RALGPS2: variants seen among roughly 807,000 people sequenced by gnomAD.
RALGPS2 encodes the protein Ral GEF with PH domain and SH3 binding motif 2, also known as ras-specific guanine nucleotide-releasing factor RalGPS2.
A neutral mutation model predicts 86.8 loss-of-function variants in RALGPS2; 43 were observed. The ratio of observed to expected loss-of-function variants is 0.50; its 90% CI spans 0.39 to 0.64. The LOEUF (loss-of-function observed/expected upper bound fraction) is 0.64, where lower values mean the gene tolerates loss of function less well. Among genes scored for constraint, RALGPS2 ranks in the 30% least tolerant of loss-of-function variants. The probability of loss-of-function intolerance (pLI) is 0.00; values close to 1 mark genes in which losing one functional copy is unlikely to be tolerated. For missense variants in RALGPS2, 536 were observed against 694.6 expected (o/e 0.77, Z 2.57); for synonymous variants, 243 against 231.3 (o/e 1.05, Z -0.46).
intron 2 of RALGPS2, 64 bp from the exon 3 acceptor site, chr1:178,784,354 C>G: frequency 7.6e-7 from 1 of 1,309,980 alleles, no homozygotes. Context: ...TAAGGCCAAT[C>G]TAGTTTCTAT....
chr1:178,874,794 A>ATC (rs1658926978), intron 8 of RALGPS2, among the ~76,000 whole-genome samples: 1 of 152,048 alleles, frequency 6.6e-6, no homozygotes, highest in South Asian at 2.1e-4. Context: ...ATGTGTTGAT[A>ATC]ATTTTTTCTT....
At position 178,906,762 on chromosome 1, in the gene RALGPS2, T is replaced by C; in HGVS notation, c.1631-14T>C. ...ACATTTTTAATATTTCCCCCTTATT[T>C]TGGATAATTTTAGGAAATTCGTACA... On this transcript the variant is annotated splice_polypyrimidine_tract_variant and intron_variant, in intron 18 of 19. Coordinates refer to ENST00000367635, the MANE Select transcript of RALGPS2 (RefSeq NM_152663.5). 1.3e-6 allele frequency: 2 copies of C among 1,599,040 alleles called. No individual in the cohort carries two copies. The highest frequency in any genetic ancestry group is 1.7e-6 in the Non-Finnish European group (2 of 1,169,338).
At chr1:178,833,080 T>C (rs1027153602) in intron 7 of RALGPS2, among the ~76,000 whole-genome samples, 5 of 152,082 alleles carry the variant, frequency 3.3e-5, no homozygotes, top group African/African-American at 1.2e-4. Flanking sequence ...GGACAGTTCA[T>C]TAAAATACTT....
At chr1:178,757,731 G>T (rs1572292677) in intron 1 of RALGPS2, among the ~76,000 whole-genome samples, 1 of 152,072 alleles carries the variant, frequency 6.6e-6, no homozygotes, top group African/African-American at 2.4e-5. Flanking sequence ...ATGTTCATCA[G>T]GGATATTGGC....
chr1:178,846,191 G>A (rs1280988701), intron 8 of RALGPS2, among the ~76,000 whole-genome samples: 11 of 152,012 alleles, frequency 7.2e-5, no homozygotes, highest in African/African-American at 2.4e-5. Flanking sequence ...TTTTCCTCTC[G>A]TTTGATAGAA....
intron 6 of RALGPS2, among the ~76,000 whole-genome samples, chr1:178,815,857 A>G (rs12076230): frequency 0.47 from 71,359 of 152,026 alleles, 18,165 homozygotes; most frequent in African/African-American, 0.66. Context: ...GAAAGCTATT[A>G]CTTGTGGTTG....
chr1:178,918,816 A>G lies in RALGPS2; in HGVS notation c.*2457A>G, dbSNP rs894062107. On this transcript the variant is annotated 3_prime_UTR_variant, in exon 20 of 20. Coordinates refer to ENST00000367635, the MANE Select transcript of RALGPS2 (RefSeq NM_152663.5). ...ATAATTTACCAAATAATACCTGATA[A>G]TAATTCAAAGAAAATATGTTACCAA... 8 of 152,140 alleles carry G rather than the reference A, an allele frequency of 5.3e-5. No homozygotes were observed. Among genetic ancestry groups the G allele is most frequent in the African/African-American group, 1.7e-4 (7 of 41,472 alleles). The allele number at this position is 152,140 out of a possible 1,614,324, so 9.4% of individuals were successfully genotyped here.
intron 8 of RALGPS2, among the ~76,000 whole-genome samples, chr1:178,870,250 C>T (rs1658668688): frequency 6.6e-6 from 1 of 152,094 alleles, no homozygotes; most frequent in Admixed American, 6.6e-5. Context: ...CAAAGACTTT[C>T]AACTATTTTT....
chr1:178,769,584 T>C (rs1226240848), intron 1 of RALGPS2, among the ~76,000 whole-genome samples: 1 of 151,672 alleles, frequency 6.6e-6, no homozygotes, highest in East Asian at 1.9e-4. Flanking sequence ...TCTGGATTTA[T>C]GCCTGAGGTG....
chr1:178,854,923 T>C (rs941550890), intron 8 of RALGPS2, among the ~76,000 whole-genome samples: 3 of 152,284 alleles, frequency 2.0e-5, no homozygotes, highest in Admixed American at 6.5e-5. Flanking sequence ...ATATCATCCT[T>C]CTCCAGTGTT....
intron 2 of RALGPS2, among the ~76,000 whole-genome samples, chr1:178,777,737 C>T (rs1339248033): frequency 2.6e-5 from 4 of 152,214 alleles, no homozygotes; most frequent in South Asian, 2.1e-4. Flanking sequence ...GAAATAACAC[C>T]GCATATCTAC....
rs79867722 is a variant in RALGPS2, at chr1:178,733,045, T to C, written c.-84+7626T>C. Among the ~76,000 whole-genome samples the C allele has an allele frequency of 1.4e-3, 210 of 152,332 alleles. 4 individuals are homozygous for C. In the East Asian group the frequency reaches 0.035, roughly 26 times the overall value. ...AAATCAGTTGTAAAGCTTTCTTTTT[T>C]TTCCCCCATTATCAGAAATAATTCT... On this transcript the variant is annotated intron_variant, in intron 1 of 19. Coordinates refer to ENST00000367635, the MANE Select transcript of RALGPS2 (RefSeq NM_152663.5).
At chr1:178,794,196 A>G (rs1654086750) in intron 4 of RALGPS2, among the ~76,000 whole-genome samples, 1 of 151,970 alleles carries the variant, frequency 6.6e-6, no homozygotes, top group South Asian at 2.1e-4. Flanking sequence ...GGTTCACTGC[A>G]ACCTCTGCTT....
At chr1:178,885,552 G>A in intron 12 of RALGPS2, 1 of 196,728 alleles carries the variant, frequency 5.1e-6, no homozygotes, top group African/African-American at 2.3e-5. Flanking sequence ...ACCAAAATAA[G>A]TCAAAAATAA....
intron 7 of RALGPS2, among the ~76,000 whole-genome samples, chr1:178,829,641 A>G (rs6669729): frequency 0.053 from 8,009 of 152,258 alleles, 736 homozygotes; most frequent in African/African-American, 0.18. Context: ...CTGGAGATCT[A>G]ATGTACAGCA....
At chr1:178,889,443 G>C (rs569224741) in intron 13 of RALGPS2, among the ~76,000 whole-genome samples, 199 bp from the exon 14 acceptor site, 7 of 151,986 alleles carry the variant, frequency 4.6e-5, no homozygotes, top group African/African-American at 1.7e-4. Context: ...TTAGGTTGTC[G>C]TGTCAACTGT....
chr1:178,897,090 G>GA (rs1659981759), intron 16 of RALGPS2, among the ~76,000 whole-genome samples: 1 of 151,728 alleles, frequency 6.6e-6, no homozygotes, highest in South Asian at 2.1e-4. Flanking sequence ...AAATTTACAA[G>GA]AAAAAAACAA....
chr1:178,864,814 A>T (rs992958240), intron 8 of RALGPS2: 2 of 497,666 alleles, frequency 4.0e-6, no homozygotes, highest in Middle Eastern at 5.4e-4. Flanking sequence ...TCAATTCTTG[A>T]TATTAATAAA....
intron 7 of RALGPS2, among the ~76,000 whole-genome samples, chr1:178,822,827 C>A (rs998010148): frequency 6.6e-6 from 1 of 151,818 alleles, no homozygotes; most frequent in Non-Finnish European, 1.5e-5. Context: ...AAGAATTATA[C>A]GCTGTGAAAA....
Sources: allele counts gnomAD v4.1 joint callset (sites outside exome capture counted in the v4.1 genomes callset), GRCh38; gene constraint gnomAD v4.1.1; transcripts MANE v1.5; gene names NCBI Gene and HGNC (gene_info 2026-07-23, HGNC 2026-07-21).